Variants in PCDHGA9 observed in about 807,000 individuals in gnomAD.
PCDHGA9 encodes protocadherin gamma subfamily A, 9.
Under a neutral mutation model 62.5 loss-of-function variants are expected in PCDHGA9, and 37 were observed. The ratio of observed to expected loss-of-function variants is 0.59; its 90% CI spans 0.46 to 0.78. The LOEUF is 0.78. Among genes scored for constraint, PCDHGA9 ranks in the 30% least tolerant of loss-of-function variants. The pLI, the probability that PCDHGA9 is intolerant of heterozygous loss-of-function variation, is 0.00. For synonymous variants in PCDHGA9, 459 were observed against 484.6 expected (o/e 0.95, Z 0.69); for missense variants, 1,138 against 1,166.2 (o/e 0.98, Z 0.35).
chr5:141,468,330 CAA>C lies in PCDHGA9; in HGVS notation c.2425-26459_2425-26458del, dbSNP rs533390277. 202 of 79,822 alleles carry C rather than the reference CAA, an allele frequency of 2.5e-3. 2 individuals are homozygous for C. The highest frequency in any genetic ancestry group is 7.9e-3 in the Middle Eastern group (1 of 126). The allele number at this position is 79,822 out of a possible 1,614,324, so 4.9% of individuals were successfully genotyped here. Reference sequence around the variant, plus strand: ...ACAAGAGCAACGGTAAACTCCATCTCAAAAAAAAAAAAAAAAAAAGAAAGAAA... The same window carrying C: ...ACAAGAGCAACGGTAAACTCCATCTCAAAAAAAAAAAAAAAAAGAAAGAAA... On this transcript the variant is annotated intron_variant, in intron 1 of 3. Transcript: ENST00000573521.
intron 1 of PCDHGA9, chr5:141,423,820 C>T: frequency 7.9e-7 from 1 of 1,272,642 alleles, no homozygotes. Context: ...TTTTACTTTG[C>T]CTTTCATGAG....
chr5:141,415,577 C>T (rs776744277), intron 1 of PCDHGA9: 3 of 1,613,744 alleles, frequency 1.9e-6, no homozygotes, highest in East Asian at 4.5e-5. Context: ...TTAGATGATT[C>T]GAAGTTTCCT....
chr5:141,404,708 T>C lies in PCDHGA9; in HGVS notation c.1756T>C (p.Tyr586His). 1 of 1,614,064 alleles carries C rather than the reference T, an allele frequency of 6.2e-7. No homozygotes were observed. Among genetic ancestry groups the C allele is most frequent in the Non-Finnish European group, 8.5e-7 (1 of 1,180,008 alleles). Residue 586 changes from tyrosine to histidine, a missense_variant, in exon 1 of 4, where the codon TAC (tyrosine) becomes CAC (histidine). Transcript: ENST00000573521. ...GGCACCCCGCTCTGCAGAGCCTGGC[T>C]ACCTGGTGACCAAGGTGGTGGCAGT... is the stretch of plus-strand genomic sequence containing the variant. Reference protein sequence around the residue: ...ELAPRSAEPGYLVTKVVAVDR... With the variant: ...ELAPRSAEPGHLVTKVVAVDR...
chr5:141,444,410 A>G (rs2098435910), intron 1 of PCDHGA9, among the ~76,000 whole-genome samples: 1 of 151,922 alleles, frequency 6.6e-6, no homozygotes, highest in African/African-American at 2.4e-5. Flanking sequence ...ACCTCAGGTG[A>G]TCTTCCCTCC....
chr5:141,491,583 C>G lies in PCDHGA9; in HGVS notation c.2425-3224C>G. On this transcript the variant is annotated intron_variant, in intron 1 of 3. Coordinates refer to ENST00000573521, the MANE Select transcript of PCDHGA9 (RefSeq NM_018921.3). This position sits in a 1 kb window ranked among gnomAD's most constrained non-coding sequence, Gnocchi z 6.9. ...GCTACAGGACGTGCTTTTCACCGGC[C>G]TCGGACGGCAGTGACTTCACTTTTC... is the stretch of plus-strand genomic sequence containing the variant. 1 of 1,613,964 alleles carries G rather than the reference C, an allele frequency of 6.2e-7. No individual in the cohort carries two copies. The highest frequency in any genetic ancestry group is 8.5e-7 in the Non-Finnish European group (1 of 1,180,046).
chr5:141,466,118 G>A lies in PCDHGA9; in HGVS notation c.2425-28689G>A, dbSNP rs1299389265. ...GCCTGGGCAACAGAGTGAGACTCCA[G>A]CTCAAAAAAAAAATCAAGTGAAAAC... On this transcript the variant is annotated intron_variant, in intron 1 of 3. Coordinates refer to ENST00000573521, the MANE Select transcript of PCDHGA9 (RefSeq NM_018921.3). Among the ~76,000 whole-genome samples the A allele has an allele frequency of 2.0e-5, 3 of 151,096 alleles. No individual in the cohort carries two copies. The East Asian group carries it at 5.8e-4, about 29-fold the overall frequency.
chr5:141,478,560 A>G, intron 1 of PCDHGA9: 1 of 1,598,736 alleles, frequency 6.3e-7, no homozygotes, highest in Non-Finnish European at 8.5e-7. Flanking sequence ...AGGTTTAGCA[A>G]GTCATGCTTG....
chr5:141,491,662 A>C lies in PCDHGA9; in HGVS notation c.2425-3145A>C. 2 of 1,613,770 alleles carry C rather than the reference A, an allele frequency of 1.2e-6. No homozygotes were observed. The highest frequency in any genetic ancestry group is 1.7e-6 in the Non-Finnish European group (2 of 1,180,018). ...AGCTCTGGCGCTGGAGCCTGACGCC[A>C]TCCGGTCCCGCTCTAATACGCTGCG... On this transcript the variant is annotated intron_variant, in intron 1 of 3. Coordinates refer to ENST00000573521, the MANE Select transcript of PCDHGA9 (RefSeq NM_018921.3). This position sits in a 1 kb window ranked among gnomAD's most constrained non-coding sequence, Gnocchi z 6.9.
intron 1 of PCDHGA9, among the ~76,000 whole-genome samples, chr5:141,460,050 C>T (rs1477206197): frequency 6.6e-6 from 1 of 152,064 alleles, no homozygotes; most frequent in Non-Finnish European, 1.5e-5. Context: ...TGCACTCCAG[C>T]CTGGGCAACA....
At chr5:141,422,434 T>C in intron 1 of PCDHGA9, 5 of 1,609,566 alleles carry the variant, frequency 3.1e-6, no homozygotes, top group Non-Finnish European at 3.4e-6. Context: ...TGGAAATTAT[T>C]ACAAATTGAT....
At chr5:141,417,710 TC>T (rs1471403767) in intron 1 of PCDHGA9, 1 of 1,249,228 alleles carries the variant, frequency 8.0e-7, no homozygotes, top group Non-Finnish European at 1.1e-6. Flanking sequence ...ACACAGAGGC[TC>T]CCGGCTGCGC....
At chr5:141,459,814 T>A (rs757306281) in intron 1 of PCDHGA9, among the ~76,000 whole-genome samples, 2 of 152,256 alleles carry the variant, frequency 1.3e-5, no homozygotes, top group African/African-American at 4.8e-5. Context: ...CTAGAGACAC[T>A]GAGCAACTTT....
intron 1 of PCDHGA9, chr5:141,421,708 C>T (rs2096594348): frequency 1.9e-6 from 3 of 1,613,780 alleles, no homozygotes; most frequent in South Asian, 2.2e-5. Flanking sequence ...TGCTAGGGAT[C>T]CAGATGTGGG....
At chr5:141,435,055 A>T (rs148331367) in intron 1 of PCDHGA9, among the ~76,000 whole-genome samples, 5 of 152,124 alleles carry the variant, frequency 3.3e-5, no homozygotes, top group Non-Finnish European at 7.4e-5. Flanking sequence ...TTGACCATGC[A>T]GCAGTTTTGT....
chr5:141,405,431 T>C (rs1308544171), intron 1 of PCDHGA9, 55 bp downstream of exon 1: 18 of 1,490,646 alleles, frequency 1.2e-5, no homozygotes, highest in Non-Finnish European at 1.6e-5. Context: ...TGTTTTGTTT[T>C]GTTTTTGAGA....
At chr5:141,423,240 A>G (rs1260661059) in intron 1 of PCDHGA9, 1 of 1,613,932 alleles carries the variant, frequency 6.2e-7, no homozygotes, top group Middle Eastern at 1.6e-4. Context: ...GCATCCCCGA[A>G]GTCCTGGCGG....
intron 1 of PCDHGA9, among the ~76,000 whole-genome samples, chr5:141,466,519 C>A (rs1406838553): frequency 6.6e-6 from 1 of 151,864 alleles, no homozygotes; most frequent in Non-Finnish European, 1.5e-5. Flanking sequence ...CATTTTTTTT[C>A]CTCCCAAATT....
rs369323252 is a variant in PCDHGA9 at position 141,487,658 on chromosome 5, G to T, written c.2425-7149G>T. ...TCAACAAATGCTTGAGGGTTATTCT[G>T]ATCCAGGCATATGGCTAGGCCATGT... On this transcript the variant is annotated intron_variant, in intron 1 of 3. Coordinates refer to ENST00000573521, the MANE Select transcript of PCDHGA9 (RefSeq NM_018921.3). This position sits in a 1 kb window ranked among gnomAD's most constrained non-coding sequence, Gnocchi z 5.0. The T allele has an allele frequency of 8.7e-5, 140 of 1,613,508 alleles. No individual in the cohort carries two copies. The highest frequency in any genetic ancestry group is 1.1e-4 in the Non-Finnish European group (134 of 1,179,802).
chr5:141,462,652 A>T (rs201168659), intron 1 of PCDHGA9, among the ~76,000 whole-genome samples: 1 of 80,348 alleles, frequency 1.2e-5, no homozygotes, highest in African/African-American at 7.4e-5. Flanking sequence ...TTCCATCCTC[A>T]ATTATCTTCA....
Sources: gnomAD v4.1 joint callset for allele counts (sites outside exome capture counted in the v4.1 genomes callset) on GRCh38, gnomAD v4.1.1 for gene constraint, Gnocchi (gnomAD v3.1) non-coding constraint, MANE v1.5 for transcripts, NCBI Gene and HGNC (gene_info 2026-07-23, HGNC 2026-07-21) for gene names.